The following OR1B1 variants were observed in gnomAD, a reference collection of about 807,000 sequenced individuals.
OR1B1 encodes olfactory receptor 1B1.
For missense variants in OR1B1, 414 were observed against 402.1 expected (o/e 1.03, Z -0.25); for synonymous variants, 168 against 156.2 (o/e 1.08, Z -0.57).
chr9:122,652,700 T>G, the OR1B1 span, among the ~76,000 whole-genome samples: 10 of 150,982 alleles, frequency 6.6e-5, no homozygotes, highest in Non-Finnish European at 1.0e-4. Context: ...TTTGTTGTTG[T>G]TTTTTTTTCA....
At chr9:122,641,035 C>A in the OR1B1 span, among the ~76,000 whole-genome samples, 3 of 152,216 alleles carry the variant, frequency 2.0e-5, no homozygotes, top group African/African-American at 7.2e-5. Context: ...GCTTGTGAAT[C>A]TTATTTGGAG....
the OR1B1 span, among the ~76,000 whole-genome samples, chr9:122,634,857 G>C: frequency 0.024 from 3,700 of 151,974 alleles, 139 homozygotes; most frequent in East Asian, 0.18. Context: ...TGGTTATTAT[G>C]CGGAATAACA....
the OR1B1 span, among the ~76,000 whole-genome samples, chr9:122,642,530 G>T: frequency 6.6e-6 from 1 of 151,920 alleles, no homozygotes; most frequent in East Asian, 1.9e-4. Context: ...GCCACCTGGG[G>T]GGAGGTCAGG....
chr9:122,653,792 C>T, the OR1B1 span, among the ~76,000 whole-genome samples: 4 of 152,178 alleles, frequency 2.6e-5, no homozygotes, highest in African/African-American at 7.2e-5. Context: ...AACCTGCTTA[C>T]ACTCAAGATC....
the OR1B1 span, chr9:122,637,299 G>A: frequency 6.6e-6 from 1 of 152,156 alleles, no homozygotes; most frequent in East Asian, 1.9e-4. Context: ...TTCTCTTGCG[G>A]AACATCATAT....
chr9:122,628,687 C>T, exon 1 of OR1B1: 1 of 1,613,864 alleles, frequency 6.2e-7, no homozygotes, highest in African/African-American at 1.3e-5. Context: ...TGGCAGTATA[C>T]ATTACTGAAG....
chr9:122,629,774 T>C (rs1830188289), upstream of OR1B1, among the ~76,000 whole-genome samples: 1 of 152,234 alleles, frequency 6.6e-6, no homozygotes, highest in African/African-American at 2.4e-5. Context: ...TTGTTCCATC[T>C]AATTCACAAG....
the OR1B1 span, among the ~76,000 whole-genome samples, chr9:122,656,716 T>C: frequency 6.6e-6 from 1 of 152,204 alleles, no homozygotes; most frequent in South Asian, 2.1e-4. Context: ...CAGTATCATT[T>C]CACAGTCTAC....
chr9:122,628,895 A>G lies in OR1B1; in HGVS notation c.641T>C (p.Leu214Pro). ...GAGTACAATGAGGGCACAGGGGCCC[A>G]GCATAAGGAAGCCACCCTCAAAGAA... Residue 214 changes from leucine to proline, a missense_variant, in exon 1 of 1, where the codon CTG becomes CCG. Leu to Pro is a moderately conservative substitution (Grantham distance 98, BLOSUM62 -3). Transcript: ENST00000623530. The G allele has an allele frequency of 4.3e-6, 7 of 1,614,194 alleles. No individual in the cohort carries two copies. Among genetic ancestry groups the G allele is most frequent in the Non-Finnish European group, 5.9e-6 (7 of 1,180,036 alleles).
Position 122,628,598 on chromosome 9 carries a change from C to T in OR1B1, c.938G>A (p.Trp313Ter). 6.2e-7 allele frequency: 1 copy of T among 1,610,860 alleles called. No homozygotes were observed. Among genetic ancestry groups the T allele is most frequent in the Non-Finnish European group, 8.5e-7 (1 of 1,177,638 alleles). Residue 313 changes from tryptophan to a stop codon, truncating the protein, a stop_gained, in exon 1 of 1, where the codon TGG becomes TAG. Coordinates refer to ENST00000623530, the Ensembl canonical transcript of OR1B1. LOFTEE classifies it high-confidence loss of function. ...GGCTAATCAGGGGTCTACCTTCACC[C>T]ATTCAAGCAGCCTGCAGAGTGCACC...
chr9:122,641,863 A>C, the OR1B1 span, among the ~76,000 whole-genome samples: 1 of 152,198 alleles, frequency 6.6e-6, no homozygotes, highest in Admixed American at 6.5e-5. Flanking sequence ...AATCTATACA[A>C]ATTTTAATTG....
the OR1B1 span, among the ~76,000 whole-genome samples, chr9:122,653,082 A>G: frequency 2.0e-5 from 3 of 152,244 alleles, no homozygotes; most frequent in African/African-American, 4.8e-5. Context: ...ACAGACAGTC[A>G]TAAGTGTTTT....
chr9:122,629,637 T>C, upstream of OR1B1: 1 of 721,826 alleles, frequency 1.4e-6, no homozygotes, highest in South Asian at 2.0e-5. Flanking sequence ...ATTACGTTAC[T>C]AAAGATCGTT....
At chr9:122,636,090 C>T in the OR1B1 span, among the ~76,000 whole-genome samples, 1 of 152,318 alleles carries the variant, frequency 6.6e-6, no homozygotes, top group African/African-American at 2.4e-5. Flanking sequence ...GGACCACATG[C>T]TAACAAGTAA....
chr9:122,641,241 C>T, the OR1B1 span, among the ~76,000 whole-genome samples: 1 of 152,064 alleles, frequency 6.6e-6, no homozygotes, highest in African/African-American at 2.4e-5. Context: ...TGTGTGTGTG[C>T]ATGTATGTGT....
exon 1 of OR1B1, chr9:122,629,218 G>A: frequency 6.2e-7 from 1 of 1,614,084 alleles, no homozygotes; most frequent in East Asian, 2.2e-5. Context: ...CAAATGCATA[G>A]AAGAAAAAGA....
the OR1B1 span, among the ~76,000 whole-genome samples, chr9:122,645,466 G>T: frequency 3.9e-5 from 6 of 151,978 alleles, no homozygotes; most frequent in African/African-American, 1.4e-4. Context: ...TTAACACAAA[G>T]AAGACTCCCC....
At chr9:122,656,062 T>C in the OR1B1 span, among the ~76,000 whole-genome samples, 1 of 152,168 alleles carries the variant, frequency 6.6e-6, no homozygotes, top group Non-Finnish European at 1.5e-5. Context: ...GGTATACTAA[T>C]AGGATCTGTC....
downstream of OR1B1, chr9:122,628,452 A>C: frequency 1.5e-6 from 1 of 669,888 alleles, no homozygotes; most frequent in Non-Finnish European, 2.7e-6. Flanking sequence ...CAACATTGAC[A>C]AGAGCCAAAT....
Sources: gnomAD v4.1 joint callset for allele counts (sites outside exome capture counted in the v4.1 genomes callset) on GRCh38, gnomAD v4.1.1 for gene constraint, MANE v1.5 for transcripts, NCBI Gene and HGNC (gene_info 2026-07-23, HGNC 2026-07-21) for gene names.